FAM83F: variants seen among roughly 807,000 people sequenced by gnomAD.
The protein encoded by FAM83F is scaffolding CK1 anchoring protein F.
Under a neutral mutation model 42.9 loss-of-function variants are expected in FAM83F, and 45 were observed. The observed-to-expected ratio is 1.05, with a 90% CI of 0.83 to 1.35. The LOEUF is 1.35. Among genes scored for constraint, FAM83F ranks in the 40% most tolerant of loss-of-function variants. The probability of loss-of-function intolerance (pLI) is 0.00; values close to 1 mark genes in which losing one functional copy is unlikely to be tolerated. For synonymous variants in FAM83F, 306 were observed against 298.3 expected (o/e 1.03, Z -0.27); for missense variants, 617 against 695.9 (o/e 0.89, Z 1.28).
intron 1 of FAM83F, among the ~76,000 whole-genome samples, chr22:40,005,238 A>G (rs537863473): frequency 1.3e-5 from 2 of 152,368 alleles, no homozygotes; most frequent in South Asian, 4.1e-4. Context: ...CGCTCTGTCC[A>G]TGTACTTGAG....
rs1248194467 is a variant in FAM83F, at chr22:40,038,562, T to C, written c.*8997T>C. 1 of 152,168 alleles carries C rather than the reference T, an allele frequency of 6.6e-6. No homozygotes were observed. The highest frequency in any genetic ancestry group is 6.5e-5 in the Admixed American group (1 of 15,272). The allele number at this position is 152,168 out of a possible 1,614,324, so 9.4% of individuals were successfully genotyped here. ...CCTGGAGTACGCAAAGGCCAGCGAGTGCTCCTAAGGCAGGGAGGGGGCTGC... is the reference window on the plus strand; with the variant it reads ...CCTGGAGTACGCAAAGGCCAGCGAGCGCTCCTAAGGCAGGGAGGGGGCTGC... On this transcript the variant is annotated 3_prime_UTR_variant, in exon 5 of 5. Transcript: ENST00000333407.
Position 40,021,949 on chromosome 22 carries a change from G to C in FAM83F, c.1439G>C (p.Ser480Thr). 2 of 1,561,964 alleles carry C rather than the reference G, an allele frequency of 1.3e-6. No individual in the cohort carries two copies. Among genetic ancestry groups the C allele is most frequent in the Non-Finnish European group, 1.7e-6 (2 of 1,153,092 alleles). ...GGGAAGAGGCCCAACGAGAATTCCA[G>C]TGCTGACATCTCAGGTGAGCCCTCT... is the stretch of plus-strand genomic sequence containing the variant. ...LTGKRPNENS[S>T]ADISGKTSPS... Residue 480 changes from serine (S) to threonine (T), a missense_variant, in exon 4 of 5, where the codon AGT becomes ACT. Transcript: ENST00000333407. This position sits in a 1 kb window ranked among gnomAD's most constrained non-coding sequence, Gnocchi z 8.7.
rs745378535 is a variant in FAM83F at position 40,021,558 on chromosome 22, G to C, written c.1048G>C (p.Glu350Gln). Reference sequence around the variant, plus strand: ...GCGCTGGGCTGCCCGGCAACAGCGGGAGGCGGGCGGCAACCCGGAGGGGCA... The same window carrying C: ...GCGCTGGGCTGCCCGGCAACAGCGGCAGGCGGGCGGCAACCCGGAGGGGCA... Reference protein sequence around the residue: ...MMRWAARQQREAGGNPEGQEE... With the variant: ...MMRWAARQQRQAGGNPEGQEE... The change falls in exon 4 of 5, where the codon GAG becomes CAG. Residue 350 changes from glutamate to glutamine, a missense_variant. Coordinates refer to ENST00000333407, the MANE Select transcript of FAM83F (RefSeq NM_138435.4). The surrounding 1 kb of genome is among the most constrained non-coding windows in gnomAD (Gnocchi z 8.7). The C allele has an allele frequency of 1.3e-6, 2 of 1,564,394 alleles. No homozygotes were observed. Among genetic ancestry groups the C allele is most frequent in the South Asian group, 1.2e-5 (1 of 85,186 alleles).
rs1297201873 is a variant in FAM83F at position 40,041,730 on chromosome 22, TAA to T, written c.*12168_*12169del. The stretch of plus-strand genomic sequence containing the variant: ...AGAAACTCATTTGTGGGTCTGTTCA[TAA>T]AAGAGTCTGGGAAGATAGTCTCCTT... On this transcript the variant is annotated 3_prime_UTR_variant, in exon 5 of 5. Transcript: ENST00000333407. 1 of 152,234 alleles carries T rather than the reference TAA, an allele frequency of 6.6e-6. No homozygotes were observed. Among genetic ancestry groups the T allele is most frequent in the African/African-American group, 2.4e-5 (1 of 41,450 alleles). The allele number at this position is 152,234 out of a possible 1,614,324, so 9.4% of individuals were successfully genotyped here.
At chr22:40,028,314 C>T (rs909728792) in intron 4 of FAM83F, among the ~76,000 whole-genome samples, 2 of 152,176 alleles carry the variant, frequency 1.3e-5, no homozygotes, top group African/African-American at 4.8e-5. Context: ...GGGCAGGGCT[C>T]CAAGTTGGGC....
chr22:40,026,595 C>T (rs368539045), intron 4 of FAM83F, among the ~76,000 whole-genome samples: 23 of 152,282 alleles, frequency 1.5e-4, no homozygotes, highest in African/African-American at 5.1e-4. Flanking sequence ...CCCTTTCCCA[C>T]GGTGTTGTGG....
chr22:40,020,746 C>T (rs1028368709), intron 3 of FAM83F, among the ~76,000 whole-genome samples: 3 of 151,994 alleles, frequency 2.0e-5, no homozygotes, highest in Admixed American at 6.6e-5. Context: ...ATATAGGTGA[C>T]GAGAAGAGAG....
chr22:39,995,657 C>T lies in FAM83F; in HGVS notation c.489+126C>T. 1 of 1,399,166 alleles carries T rather than the reference C, an allele frequency of 7.1e-7. No individual in the cohort carries two copies. Among genetic ancestry groups the T allele is most frequent in the Non-Finnish European group, 9.4e-7 (1 of 1,066,224 alleles). 86.7% of individuals were successfully genotyped at this position (1,399,166 alleles called of 1,614,324 possible). On this transcript the variant is annotated intron_variant, in intron 1 of 4. Transcript: ENST00000333407. The surrounding 1 kb of genome is among the most constrained non-coding windows in gnomAD (Gnocchi z 4.6). ...CACCCTCTGGAAAATGGGCCCCAAC[C>T]CGCCCCTACTTCCTGGGGCTGCAGT...
At chr22:40,002,056 G>C (rs563515177) in intron 1 of FAM83F, among the ~76,000 whole-genome samples, 3 of 152,354 alleles carry the variant, frequency 2.0e-5, no homozygotes, top group Admixed American at 6.5e-5. Context: ...CCTTCGGGAG[G>C]CTGTGGCGTT....
chr22:40,013,499 T>G (rs117457359), intron 1 of FAM83F, among the ~76,000 whole-genome samples: 1 of 152,344 alleles, frequency 6.6e-6, no homozygotes, highest in East Asian at 1.9e-4. Flanking sequence ...GGTCTATTGG[T>G]CAGTTCCTTC....
chr22:40,012,755 G>C (rs554957524), intron 1 of FAM83F, among the ~76,000 whole-genome samples: 3 of 150,188 alleles, frequency 2.0e-5, no homozygotes, highest in Non-Finnish European at 4.4e-5. Context: ...GGGTGAAAAA[G>C]GAGACTCCAT....
intron 4 of FAM83F, 76 bp from the exon 5 acceptor site, chr22:40,029,440 C>T (rs2067574439): frequency 1.3e-6 from 2 of 1,538,270 alleles, no homozygotes; most frequent in Non-Finnish European, 1.8e-6. Context: ...GGACAGCACA[C>T]AGGGTAGGAA....
rs2067576254 is a variant in FAM83F, at chr22:40,029,754, G to A, written c.*189G>A. ...AGGGTCCGAAGCATCTCAGTCACAC[G>A]CCTCCACCGGACTGTCGGTGGCTGG... On this transcript the variant is annotated 3_prime_UTR_variant, in exon 5 of 5. Transcript: ENST00000333407. 24 of 778,038 alleles carry A rather than the reference G, an allele frequency of 3.1e-5. No homozygotes were observed. Among genetic ancestry groups the A allele is most frequent in the African/African-American group, 5.3e-5 (3 of 56,922 alleles). 48.2% of individuals were successfully genotyped at this position (778,038 alleles called of 1,614,324 possible). A position where few individuals can be genotyped will look rare whatever the true frequency, so the allele number is the denominator to read the frequency against.
intron 1 of FAM83F, among the ~76,000 whole-genome samples, chr22:40,008,292 C>T (rs748867971): frequency 1.6e-4 from 24 of 152,232 alleles, no homozygotes; most frequent in Non-Finnish European, 1.2e-4. Flanking sequence ...TCAGCGGGCC[C>T]CCCATGGGCT....
At chr22:40,020,829 C>CT (rs1316498214) in intron 3 of FAM83F, among the ~76,000 whole-genome samples, 2 of 152,094 alleles carry the variant, frequency 1.3e-5, no homozygotes, top group Non-Finnish European at 2.9e-5. Flanking sequence ...TCTGCAGACA[C>CT]TAAGTGCTTA....
intron 1 of FAM83F, among the ~76,000 whole-genome samples, chr22:39,998,388 A>G (rs372536183): frequency 2.6e-5 from 4 of 152,198 alleles, no homozygotes; most frequent in Non-Finnish European, 5.9e-5. Flanking sequence ...AATCACAGAC[A>G]GGAAAGTAAG....
chr22:40,021,847 G>C lies in FAM83F; in HGVS notation c.1337G>C (p.Arg446Pro). Residue 446 changes from arginine (R) to proline (P), a missense_variant, in exon 4 of 5, where the codon CGA (arginine) becomes CCA (proline). Physicochemically the swap from Arg to Pro is moderately radical, Grantham distance 103. Transcript: ENST00000333407. This position sits in a 1 kb window ranked among gnomAD's most constrained non-coding sequence, Gnocchi z 8.7. ...TTCAGCAGCAGGCTCTTCAGTCGCC[G>C]AGCCAAGAGGCCTGCGGCGCCCAAT... ...RRFSSRLFSR[R>P]AKRPAAPNGM... The C allele has an allele frequency of 6.2e-7, 1 of 1,612,316 alleles. No homozygotes were observed. Among genetic ancestry groups the C allele is most frequent in the Non-Finnish European group, 8.5e-7 (1 of 1,179,564 alleles).
intron 1 of FAM83F, among the ~76,000 whole-genome samples, chr22:40,016,856 G>A (rs1438347368): frequency 6.6e-6 from 1 of 151,752 alleles, no homozygotes; most frequent in Non-Finnish European, 1.5e-5. Flanking sequence ...TAAAGACAGG[G>A]TTTCACCATG....
At position 40,033,149 on chromosome 22, in the gene FAM83F, A is replaced by G. The variant is rs2067600170; in HGVS notation, c.*3584A>G. The G allele has an allele frequency of 6.6e-6, 1 of 152,016 alleles. No individual in the cohort carries two copies. The highest frequency in any genetic ancestry group is 2.1e-4 in the South Asian group (1 of 4,824). 9.4% of individuals were successfully genotyped at this position (152,016 alleles called of 1,614,324 possible). ...GATCAGGCTGGAGTGCAGTGGCGTC[A>G]TCTCAGCTCGCTACAACCTCCACCT... On this transcript the variant is annotated 3_prime_UTR_variant, in exon 5 of 5. Transcript: ENST00000333407.
Sources: gnomAD v4.1 joint callset for allele counts (sites outside exome capture counted in the v4.1 genomes callset) on GRCh38, gnomAD v4.1.1 for gene constraint, Gnocchi (gnomAD v3.1) non-coding constraint, MANE v1.5 for transcripts, NCBI Gene and HGNC (gene_info 2026-07-23, HGNC 2026-07-21) for gene names.